Variants in WDPCP observed in about 807,000 individuals in gnomAD.
WDPCP encodes the protein WD repeat containing planar cell polarity effector.
A neutral mutation model predicts 93.1 loss-of-function variants in WDPCP; 71 were observed. The ratio of observed to expected loss-of-function variants is 0.76; its 90% CI spans 0.63 to 0.93. WDPCP has a LOEUF of 0.93. Ranked by LOEUF, WDPCP falls within the 40% of genes least tolerant of loss-of-function variation. WDPCP has a pLI of 0.00. For synonymous variants in WDPCP, 315 were observed against 315.0 expected (o/e 1.00, Z 0.00); for missense variants, 844 against 887.4 (o/e 0.95, Z 0.62).
intron 9 of WDPCP, among the ~76,000 whole-genome samples, chr2:63,410,599 A>G (rs1416999062): frequency 6.6e-6 from 1 of 152,212 alleles, no homozygotes; most frequent in African/African-American, 2.4e-5. Context: ...ACAGAACTAC[A>G]GAATGGGTAA....
intron 14 of WDPCP, among the ~76,000 whole-genome samples, chr2:63,206,083 T>C (rs1374603344): frequency 6.6e-6 from 1 of 152,260 alleles, no homozygotes; most frequent in Non-Finnish European, 1.5e-5. Context: ...AAAATGATCA[T>C]ACGGCTTTTG....
At chr2:63,446,052 C>G (rs758921929) in intron 6 of WDPCP, among the ~76,000 whole-genome samples, 1 of 152,146 alleles carries the variant, frequency 6.6e-6, no homozygotes, top group Non-Finnish European at 1.5e-5. Context: ...TACTCCTTCA[C>G]CACTATTTAG....
At chr2:63,515,029 T>G (rs575597379) in intron 1 of WDPCP, among the ~76,000 whole-genome samples, 1 of 152,280 alleles carries the variant, frequency 6.6e-6, no homozygotes, top group South Asian at 2.1e-4. Flanking sequence ...TTCCAGCCAA[T>G]GAGAAGATGT....
At chr2:63,693,659 A>C (rs1202691281) in intron 2 of WDPCP, among the ~76,000 whole-genome samples, 2 of 152,176 alleles carry the variant, frequency 1.3e-5, no homozygotes, top group Non-Finnish European at 2.9e-5. Context: ...GTGGAAAATA[A>C]GGTTGGACAA....
chr2:63,138,417 A>C (rs895501339), intron 17 of WDPCP, among the ~76,000 whole-genome samples: 1 of 140,554 alleles, frequency 7.1e-6, no homozygotes, highest in African/African-American at 2.6e-5. Flanking sequence ...TCCATACGTT[A>C]TTGGGTACAG....
intron 1 of WDPCP, among the ~76,000 whole-genome samples, chr2:63,548,177 G>A (rs985845058): frequency 1.3e-5 from 2 of 151,826 alleles, no homozygotes; most frequent in African/African-American, 4.8e-5. Context: ...ATACTTATAA[G>A]AGACACATCT....
chr2:63,575,475 T>C (rs1299339893), intron 1 of WDPCP, among the ~76,000 whole-genome samples: 3 of 120,376 alleles, frequency 2.5e-5, no homozygotes, highest in Non-Finnish European at 4.9e-5. Context: ...ATGCAGTATA[T>C]ACAGTGTATA....
At chr2:63,596,154 A>G (rs1404852559) in intron 3 of WDPCP, among the ~76,000 whole-genome samples, 1 of 152,224 alleles carries the variant, frequency 6.6e-6, no homozygotes, top group African/African-American at 2.4e-5. Flanking sequence ...GTTTATTAAA[A>G]TATTCTAAAT....
At chr2:63,670,604 A>G (rs557891874) in intron 2 of WDPCP, among the ~76,000 whole-genome samples, 1 of 152,282 alleles carries the variant, frequency 6.6e-6, no homozygotes, top group Admixed American at 6.5e-5. Flanking sequence ...GAGTGTGTAT[A>G]GAGGTAAAGT....
exon 3 of WDPCP, chr2:63,650,665 T>C (rs983083731): frequency 2.6e-5 from 4 of 152,236 alleles, no homozygotes; most frequent in South Asian, 2.1e-4. Flanking sequence ...TTACTTCTTA[T>C]AGTGATCCTT....
chr2:63,525,172 G>C (rs141025395), intron 1 of WDPCP, among the ~76,000 whole-genome samples: 1 of 152,242 alleles, frequency 6.6e-6, no homozygotes, highest in East Asian at 1.9e-4. Flanking sequence ...ACATATTCTT[G>C]CTTATAAGTG....
At chr2:63,717,227 A>G in intron 2 of WDPCP, 1 of 505,298 alleles carries the variant, frequency 2.0e-6, no homozygotes, top group Non-Finnish European at 3.8e-6. Context: ...AATTTGAAAG[A>G]CATATTGGCT....
chr2:63,496,039 A>T (rs1701203898), intron 1 of WDPCP, among the ~76,000 whole-genome samples: 1 of 152,206 alleles, frequency 6.6e-6, no homozygotes. Flanking sequence ...AAAAGTCACC[A>T]ACTTCTAGAC....
chr2:63,229,705 T>G (rs1678650286), intron 14 of WDPCP: 1 of 151,756 alleles, frequency 6.6e-6, no homozygotes, highest in African/African-American at 2.4e-5. Flanking sequence ...TTTCCCCATT[T>G]CTTGTTTTTG....
intron 14 of WDPCP, among the ~76,000 whole-genome samples, chr2:63,177,582 T>C (rs1673910768): frequency 1.3e-5 from 2 of 152,304 alleles, no homozygotes; most frequent in South Asian, 4.1e-4. Context: ...TGTTGACTTG[T>C]ATCTTGCAAC....
intron 2 of WDPCP, among the ~76,000 whole-genome samples, chr2:63,777,909 A>G (rs1302040795): frequency 1.3e-5 from 2 of 152,188 alleles, no homozygotes; most frequent in Non-Finnish European, 2.9e-5. Context: ...TGAAATATGC[A>G]CAGTTTATTG....
chr2:63,125,919 G>A (rs1338323425), intron 17 of WDPCP, among the ~76,000 whole-genome samples: 1 of 138,588 alleles, frequency 7.2e-6, no homozygotes, highest in African/African-American at 2.7e-5. Flanking sequence ...CTGCTTTTCA[G>A]TTTTTTTTTA....
intron 2 of WDPCP, among the ~76,000 whole-genome samples, chr2:63,765,294 G>C (rs1274547902): frequency 1.3e-5 from 2 of 152,126 alleles, no homozygotes; most frequent in African/African-American, 4.8e-5. Context: ...GCAAGAGGGT[G>C]GGGGCAGTAG....
At chr2:63,756,984 C>T (rs1431802700) in intron 2 of WDPCP, among the ~76,000 whole-genome samples, 1 of 152,080 alleles carries the variant, frequency 6.6e-6, no homozygotes, top group East Asian at 1.9e-4. Flanking sequence ...GGTATGGGAC[C>T]TTACTGGTTG....
Sources: allele counts gnomAD v4.1 joint callset (sites outside exome capture counted in the v4.1 genomes callset), GRCh38; gene constraint gnomAD v4.1.1; transcripts MANE v1.5; gene names NCBI Gene and HGNC (gene_info 2026-07-23, HGNC 2026-07-21).